Variants in IMMT observed in about 807,000 individuals in gnomAD.
The protein encoded by IMMT is MICOS complex subunit MIC60.
In IMMT, 40 loss-of-function variants were observed where a neutral mutation model predicts 92.7. That is an observed-to-expected ratio of 0.43 (90% CI 0.34 to 0.56). IMMT has a LOEUF of 0.56. Among genes scored for constraint, IMMT ranks in the 20% least tolerant of loss-of-function variants. IMMT has a pLI of 0.03. For missense variants in IMMT, 831 were observed against 912.1 expected (o/e 0.91, Z 1.14); for synonymous variants, 322 against 336.1 (o/e 0.96, Z 0.46).
In IMMT at chr2:86,148,331, G is replaced by A. The variant is rs191200806; in HGVS notation, c.1402-498C>T. Among the ~76,000 whole-genome samples the A allele has an allele frequency of 9.2e-5, 14 of 152,264 alleles. No homozygotes were observed. In the East Asian group the frequency reaches 1.2e-3, roughly 13 times the overall value. ...GAATCATTAAGAAAATTAGTTGGCC[G>A]GGCGTGGTGGCTCACACCTGTAATC... is the stretch of plus-strand genomic sequence containing the variant. On this transcript the variant is annotated intron_variant, in intron 12 of 14. Transcript: ENST00000410111.
In IMMT at chr2:86,162,011, T is replaced by C. The variant is rs770682301; in HGVS notation, c.861A>G (p.Ala287=). ...GAAGGGCATCGGCAGCTTCATCTAC[T>C]GCCTTTCTGCGTTCCTTCAATGCAC... ...VEGALKERRK[A]VDEAADALLK... is the part of the protein sequence containing the mutation. The change falls in exon 8 of 15, where the codon GCA becomes GCG. Residue 287 remains alanine (A), a synonymous_variant. Transcript: ENST00000410111. The C allele has an allele frequency of 1.9e-6, 3 of 1,605,468 alleles. No individual in the cohort carries two copies. Among genetic ancestry groups the C allele is most frequent in the Non-Finnish European group, 1.7e-6 (2 of 1,176,052 alleles).
chr2:86,161,999 A>C lies in IMMT; in HGVS notation c.873T>G (p.Ala291=), dbSNP rs777412727. 6.3e-7 allele frequency: 1 copy of C among 1,599,976 alleles called. No homozygotes were observed. ...LKERRKAVDE[A]ADALLKAKEE... Reference sequence around the variant, plus strand: ...ACTTGGCTTTGAGAAGGGCATCGGCAGCTTCATCTACTGCCTTTCTGCGTT... The same window carrying C: ...ACTTGGCTTTGAGAAGGGCATCGGCCGCTTCATCTACTGCCTTTCTGCGTT... Residue 291 remains alanine, a synonymous_variant, in exon 8 of 15, where the codon GCT becomes GCG. Transcript: ENST00000410111.
rs755759336 is a variant in IMMT, at chr2:86,166,602, C to G, written c.698G>C (p.Ser233Thr). 7 of 1,612,834 alleles carry G rather than the reference C, an allele frequency of 4.3e-6. No homozygotes were observed. The Admixed American group carries it at 1.2e-4, about 27-fold the overall frequency. ...AGCTGCAATAGCCTGCAGAGTGACA[C>G]TTGCAGTTTGCCTCAGAGCATCTTC... ...SLEDALRQTASVTLQAIAAQN... is the reference protein window; with the variant it reads ...SLEDALRQTATVTLQAIAAQN... The change falls in exon 7 of 15, where the codon AGT becomes ACT. Residue 233 changes from serine to threonine, a missense_variant. Transcript: ENST00000410111.
intron 4 of IMMT, among the ~76,000 whole-genome samples, chr2:86,171,922 T>TATCA (rs1213121309): frequency 2.7e-5 from 4 of 150,888 alleles, no homozygotes; most frequent in Admixed American, 6.6e-5. Flanking sequence ...ATCCCATCTC[T>TATCA]ATCAATCACT....
chr2:86,150,024 A>G (rs1053862916), intron 12 of IMMT, among the ~76,000 whole-genome samples: 1 of 152,226 alleles, frequency 6.6e-6, no homozygotes, highest in Admixed American at 6.5e-5. Context: ...GGGCAACTGA[A>G]TATGAGTTGA....
chr2:86,144,652 A>G lies in IMMT; in HGVS notation c.1893T>C (p.Leu631=). ...TTTGAACAGCATAGAAACGGGCTCTAAGGGTCTCTTCACTGTACACCCCAC... is the reference window on the plus strand; with the variant it reads ...TTTGAACAGCATAGAAACGGGCTCTGAGGGTCTCTTCACTGTACACCCCAC... The part of the protein sequence containing the change: ...LTRGVYSEET[L]RARFYAVQKL... The change falls in exon 15 of 15, where the codon CTT becomes CTC. Residue 631 remains leucine (L), a synonymous_variant. Transcript: ENST00000410111. The G allele has an allele frequency of 6.2e-7, 1 of 1,613,958 alleles. No homozygotes were observed. Among genetic ancestry groups the G allele is most frequent in the Non-Finnish European group, 8.5e-7 (1 of 1,179,880 alleles).
rs150669951 is a variant in IMMT, at chr2:86,163,044, C to CA, written c.793-966dup. Among the ~76,000 whole-genome samples the CA allele has an allele frequency of 2.9e-3, 438 of 152,106 alleles. 2 individuals carry two copies. The highest frequency in any genetic ancestry group is 8.2e-3 in the African/African-American group (342 of 41,482). On this transcript the variant is annotated intron_variant, in intron 7 of 14. Coordinates refer to ENST00000410111, the MANE Select transcript of IMMT (RefSeq NM_006839.3). ...GGGGGTGCAAGGTACCCAGAACACT[C>CA]AGGGCCTAGACAGGGTGCAGTGGCT...
chr2:86,163,613 G>A (rs1676441227), intron 7 of IMMT, among the ~76,000 whole-genome samples: 1 of 152,146 alleles, frequency 6.6e-6, no homozygotes, highest in Non-Finnish European at 1.5e-5. Flanking sequence ...TCTATCTACA[G>A]ACTCAACTCC....
intron 11 of IMMT, among the ~76,000 whole-genome samples, chr2:86,151,961 GTTTT>G (rs1218256622): frequency 6.6e-6 from 1 of 152,080 alleles, no homozygotes; most frequent in African/African-American, 2.4e-5. Context: ...TCCTTAATAA[GTTTT>G]TTTACTTTTC....
chr2:86,155,028 G>A (rs10202995), intron 10 of IMMT, among the ~76,000 whole-genome samples: 69,879 of 151,974 alleles, frequency 0.46, 16,617 homozygotes, highest in Non-Finnish European at 0.51. Flanking sequence ...ATGCTCGACT[G>A]ATTTTTGTAT....
intron 1 of IMMT, among the ~76,000 whole-genome samples, chr2:86,189,649 G>T (rs1672997255): frequency 6.6e-6 from 1 of 152,118 alleles, no homozygotes; most frequent in Admixed American, 6.6e-5. Flanking sequence ...ACAGACTGCT[G>T]GTTGCTGTCA....
chr2:86,164,587 A>G (rs1199383955), intron 7 of IMMT, among the ~76,000 whole-genome samples: 1 of 150,258 alleles, frequency 6.7e-6, no homozygotes, highest in African/African-American at 2.4e-5. Context: ...GCTACTTGAG[A>G]GGCTAAGGCA....
intron 1 of IMMT, 72 bp downstream of exon 1, chr2:86,195,266 A>G: frequency 7.0e-7 from 1 of 1,431,604 alleles, no homozygotes. Context: ...GGCAGCGACC[A>G]AGGCTCCCCC....
intron 12 of IMMT, among the ~76,000 whole-genome samples, chr2:86,149,781 G>A (rs1388266527): frequency 6.6e-6 from 1 of 150,988 alleles, no homozygotes; most frequent in Non-Finnish European, 1.5e-5. Context: ...AGGAGGCTGA[G>A]AGGCACAAGA....
intron 2 of IMMT, among the ~76,000 whole-genome samples, chr2:86,181,016 T>C (rs752460525): frequency 6.6e-6 from 1 of 152,234 alleles, no homozygotes; most frequent in Non-Finnish European, 1.5e-5. Context: ...TGCTGAGTTC[T>C]GGATATAAAT....
chr2:86,178,900 A>C (rs2105379550), intron 3 of IMMT, among the ~76,000 whole-genome samples: 1 of 152,114 alleles, frequency 6.6e-6, no homozygotes, highest in South Asian at 2.1e-4. Context: ...ATCTCTACTA[A>C]AAATACAAAC....
At chr2:86,171,157 T>G in intron 5 of IMMT, 51 bp downstream of exon 5, 2 of 1,478,658 alleles carry the variant, frequency 1.4e-6, no homozygotes, top group Non-Finnish European at 1.8e-6. Context: ...CATTAAATAG[T>G]TCTGATGAGT....
In IMMT at chr2:86,170,918, AG is replaced by A; in HGVS notation, c.560-75del. On this transcript the variant is annotated intron_variant, in intron 5 of 14. Coordinates refer to ENST00000410111, the MANE Select transcript of IMMT (RefSeq NM_006839.3). ...TAATAGCTAACAGGGATATAAAAAA[AG>A]CATCGTTTGTACTGGCCAGTTATAT... The A allele has an allele frequency of 2.5e-6, 3 of 1,199,464 alleles. No individual in the cohort carries two copies. The South Asian group carries it at 3.9e-5, about 16-fold the overall frequency. The allele number at this position is 1,199,464 out of a possible 1,614,324, so 74.3% of individuals were successfully genotyped here.
intron 7 of IMMT, among the ~76,000 whole-genome samples, chr2:86,165,287 C>T (rs12476285): frequency 1.3e-5 from 2 of 152,178 alleles, no homozygotes; most frequent in Admixed American, 6.5e-5. Flanking sequence ...CCTTACATCA[C>T]GCAACTTCTA....
Sources: allele counts gnomAD v4.1 joint callset (sites outside exome capture counted in the v4.1 genomes callset), GRCh38; gene constraint gnomAD v4.1.1; transcripts MANE v1.5; gene names NCBI Gene and HGNC (gene_info 2026-07-23, HGNC 2026-07-21).